Variants in TSC22D1 observed in about 807,000 individuals in gnomAD.
The protein encoded by TSC22D1 is TSC22 domain family protein 1.
Under a neutral mutation model 74.2 loss-of-function variants are expected in TSC22D1, and 9 were observed. The ratio of observed to expected loss-of-function variants is 0.12; its 90% CI spans 0.07 to 0.21. TSC22D1 has a LOEUF of 0.21. Ranked by LOEUF, TSC22D1 falls within the 10% of genes least tolerant of loss-of-function variation. The pLI is 1.00. For synonymous variants in TSC22D1, 586 were observed against 492.5 expected (o/e 1.19, Z -2.51); for missense variants, 1,427 against 1,304.7 (o/e 1.09, Z -1.44).
At chr13:44,496,379 T>C (rs182952662) in intron 1 of TSC22D1, among the ~76,000 whole-genome samples, 1 of 151,936 alleles carries the variant, frequency 6.6e-6, no homozygotes, top group Admixed American at 6.6e-5. Context: ...CCACAAAACT[T>C]TTTTAAAAAA....
intron 1 of TSC22D1, among the ~76,000 whole-genome samples, chr13:44,441,522 T>C (rs1465294605): frequency 5.9e-5 from 9 of 152,104 alleles, no homozygotes; most frequent in African/African-American, 9.7e-5. Flanking sequence ...GCAGGAATGG[T>C]TTAAAACTGC....
At chr13:44,539,582 G>T in intron 1 of TSC22D1, 5 of 985,290 alleles carry the variant, frequency 5.1e-6, no homozygotes, top group Non-Finnish European at 6.0e-6. Context: ...ATTATCTGGA[G>T]AGAAAATTAA....
rs184149931 is a variant in TSC22D1, at chr13:44,545,644, C to T, written c.2912+27519G>A. Among the ~76,000 whole-genome samples, 9 of 150,476 alleles carry T rather than the reference C, an allele frequency of 6.0e-5. No homozygotes were observed. In the East Asian group the frequency reaches 1.4e-3, roughly 23 times the overall value. ...TTTTTCATTCTAGGATCTTGGGTTG[C>T]GTTACGTTCATAAGAGTGCACTTAG... On this transcript the variant is annotated intron_variant, in intron 1 of 2. Coordinates refer to ENST00000458659, the MANE Select transcript of TSC22D1 (RefSeq NM_183422.4).
chr13:44,441,057 T>C (rs1875156450), intron 1 of TSC22D1, among the ~76,000 whole-genome samples: 1 of 152,146 alleles, frequency 6.6e-6, no homozygotes, highest in East Asian at 1.9e-4. Flanking sequence ...GACACCAAAA[T>C]GGAGGAGCAA....
At chr13:44,517,461 G>C (rs374247924) in intron 1 of TSC22D1, among the ~76,000 whole-genome samples, 1 of 151,826 alleles carries the variant, frequency 6.6e-6, no homozygotes, top group East Asian at 1.9e-4. Flanking sequence ...CAATTGGCAA[G>C]ACATATCAAT....
intron 1 of TSC22D1, among the ~76,000 whole-genome samples, chr13:44,481,373 G>A (rs1878170342): frequency 6.6e-6 from 1 of 152,134 alleles, no homozygotes; most frequent in Admixed American, 6.5e-5. Context: ...GTGAGGGGTG[G>A]GTGGTTCTGG....
Position 44,573,321 on chromosome 13 carries a change from C to T in TSC22D1, c.2754G>A (p.Glu918=). The T allele has an allele frequency of 6.2e-7, 1 of 1,614,256 alleles. No homozygotes were observed. Among genetic ancestry groups the T allele is most frequent in the East Asian group, 2.2e-5 (1 of 44,888 alleles). Residue 918 remains glutamate, a synonymous_variant, in exon 1 of 3, where the codon GAG becomes GAA. Transcript: ENST00000458659. Reference sequence around the variant, plus strand: ...TCTGAGGTAAGCCAACTAAGGAGGGCTCCGCTGCACGCCTGGCATCTTCAA... The same window carrying T: ...TCTGAGGTAAGCCAACTAAGGAGGGTTCCGCTGCACGCCTGGCATCTTCAA... ...SQIEDARRAA[E]PSLVGLPQTI... is the part of the protein sequence containing the mutation.
chr13:44,562,644 A>C (rs1345953830), intron 1 of TSC22D1, among the ~76,000 whole-genome samples: 1 of 152,186 alleles, frequency 6.6e-6, no homozygotes, highest in Non-Finnish European at 1.5e-5. Flanking sequence ...TGACAATGGA[A>C]ATCTGTTTAG....
intron 1 of TSC22D1, among the ~76,000 whole-genome samples, chr13:44,466,457 G>C (rs1368012244): frequency 6.6e-6 from 1 of 152,210 alleles, no homozygotes; most frequent in Non-Finnish European, 1.5e-5. Flanking sequence ...AGAGTCACAG[G>C]AGGGGATATT....
At chr13:44,547,129 A>C (rs1881879292) in intron 1 of TSC22D1, among the ~76,000 whole-genome samples, 1 of 152,138 alleles carries the variant, frequency 6.6e-6, no homozygotes, top group Non-Finnish European at 1.5e-5. Context: ...AAAATATAGA[A>C]CAAAACATCC....
chr13:44,505,761 A>C (rs538124780), intron 1 of TSC22D1, among the ~76,000 whole-genome samples: 4 of 152,332 alleles, frequency 2.6e-5, no homozygotes, highest in African/African-American at 9.6e-5. Flanking sequence ...TTATTTATTG[A>C]ATGCTTACTA....
rs201294355 is a variant in TSC22D1, at chr13:44,573,993, C to T, written c.2082G>A (p.Leu694=). The change falls in exon 1 of 3, where the codon CTG becomes CTA. Residue 694 remains leucine (L), a synonymous_variant. Coordinates refer to ENST00000458659, the MANE Select transcript of TSC22D1 (RefSeq NM_183422.4). ...CTGGGACTGCTGTGGGCTGCACTGG[C>T]AGCTGGATACCCTGTGGCTGAGCCA... ...IPVAQPQGIQ[L]PVQPTAVPAQ... is the part of the protein sequence containing the mutation. The T allele has an allele frequency of 5.0e-4, 800 of 1,614,024 alleles. 1 individual carries two copies. The highest frequency in any genetic ancestry group is 6.4e-4 in the Non-Finnish European group (759 of 1,180,028).
intron 1 of TSC22D1, among the ~76,000 whole-genome samples, chr13:44,523,836 T>C (rs1334579382): frequency 6.6e-6 from 1 of 152,166 alleles, no homozygotes; most frequent in African/African-American, 2.4e-5. Flanking sequence ...CCAAGGTGGC[T>C]TCCTTAAGAT....
chr13:44,540,332 G>C (rs1246840644), intron 1 of TSC22D1, among the ~76,000 whole-genome samples: 2 of 152,134 alleles, frequency 1.3e-5, no homozygotes, highest in African/African-American at 4.8e-5. Context: ...CTGAAAAGTA[G>C]AAACAGAAAA....
chr13:44,537,229 A>C, intron 1 of TSC22D1: 1 of 909,862 alleles, frequency 1.1e-6, no homozygotes, highest in Non-Finnish European at 1.3e-6. Flanking sequence ...ATAGGACTTC[A>C]TTTTGTGACA....
At chr13:44,551,194 C>G (rs1882213187) in intron 1 of TSC22D1, among the ~76,000 whole-genome samples, 1 of 151,610 alleles carries the variant, frequency 6.6e-6, no homozygotes, top group Non-Finnish European at 1.5e-5. Flanking sequence ...ATCGCTTGAG[C>G]CTGGGGGCAG....
chr13:44,439,845 A>C (rs1443899256), intron 1 of TSC22D1, among the ~76,000 whole-genome samples: 1 of 152,214 alleles, frequency 6.6e-6, no homozygotes, highest in East Asian at 1.9e-4. Flanking sequence ...TGTTTCCTGT[A>C]ACATGTGCTT....
rs535918654 is a variant in TSC22D1 at position 44,543,038 on chromosome 13, C to G, written c.2912+30125G>C. ...AATGCTAAGCTGCTACCTCAAATGG[C>G]TGTTATAGATCTATTAACCTACCAG... On this transcript the variant is annotated intron_variant, in intron 1 of 2. Transcript: ENST00000458659. Among the ~76,000 whole-genome samples the G allele has an allele frequency of 1.6e-4, 25 of 152,164 alleles. No homozygotes were observed. The South Asian group carries it at 5.2e-3, about 32-fold the overall frequency.
At chr13:44,456,225 G>C (rs374277109) in intron 1 of TSC22D1, among the ~76,000 whole-genome samples, 2 of 152,202 alleles carry the variant, frequency 1.3e-5, no homozygotes, top group Admixed American at 1.3e-4. Flanking sequence ...AAACAACAAA[G>C]CTTCCACGGC....
Sources: allele counts gnomAD v4.1 joint callset (sites outside exome capture counted in the v4.1 genomes callset), GRCh38; gene constraint gnomAD v4.1.1; transcripts MANE v1.5; gene names NCBI Gene and HGNC (gene_info 2026-07-23, HGNC 2026-07-21).